Variants in IQCM observed in about 807,000 individuals in gnomAD.
IQCM encodes IQ domain-containing protein M.
IQCM carries 45 observed loss-of-function variants against 57.6 expected under a neutral mutation model. The ratio of observed to expected loss-of-function variants is 0.78; its 90% CI spans 0.62 to 1.00. The LOEUF (loss-of-function observed/expected upper bound fraction) is 1.00, where lower values mean the gene tolerates loss of function less well. IQCM is among the 50% of genes least tolerant of loss of function. The pLI is 0.00. For synonymous variants in IQCM, 148 were observed against 158.9 expected (o/e 0.93, Z 0.51); for missense variants, 468 against 511.6 (o/e 0.91, Z 0.82).
intron 13 of IQCM, chr4:149,430,065 T>A (rs1458223573): frequency 5.9e-6 from 7 of 1,195,968 alleles, no homozygotes; most frequent in Non-Finnish European, 7.3e-6. Flanking sequence ...GGTTCTTAAT[T>A]CATCTTATTA....
intron 12 of IQCM, among the ~76,000 whole-genome samples, chr4:149,488,359 C>A (rs1741744604): frequency 6.6e-6 from 1 of 152,088 alleles, no homozygotes; most frequent in Non-Finnish European, 1.5e-5. Flanking sequence ...AATGAGCCAA[C>A]TATTTCAAAA....
At chr4:149,763,529 C>G (rs1476427833) in intron 2 of IQCM, among the ~76,000 whole-genome samples, 2 of 152,108 alleles carry the variant, frequency 1.3e-5, no homozygotes, top group Non-Finnish European at 2.9e-5. Flanking sequence ...TTAGGATAAA[C>G]TGGTATGTGA....
At chr4:149,595,336 T>C (rs1462327903) in intron 8 of IQCM, among the ~76,000 whole-genome samples, 1 of 151,878 alleles carries the variant, frequency 6.6e-6, no homozygotes, top group Non-Finnish European at 1.5e-5. Context: ...CTTTATTTTT[T>C]AAGTAGGAAG....
chr4:149,505,677 CAT>C (rs1743734516), intron 12 of IQCM, among the ~76,000 whole-genome samples: 6 of 152,142 alleles, frequency 3.9e-5, no homozygotes, highest in Admixed American at 3.9e-4. Flanking sequence ...CACCATCAAA[CAT>C]GTGTATTTAG....
chr4:149,754,373 T>C (rs1464475269), intron 2 of IQCM, among the ~76,000 whole-genome samples: 1 of 152,152 alleles, frequency 6.6e-6, no homozygotes, highest in Non-Finnish European at 1.5e-5. Context: ...CCTCTGACAA[T>C]TCCTGCTTTC....
chr4:149,714,018 T>A (rs1354035888), intron 5 of IQCM, among the ~76,000 whole-genome samples: 1 of 152,170 alleles, frequency 6.6e-6, no homozygotes. Flanking sequence ...TAGTTATCCA[T>A]ATTTATCTAA....
intron 13 of IQCM, among the ~76,000 whole-genome samples, chr4:149,387,826 T>C (rs745544323): frequency 3.3e-5 from 5 of 150,076 alleles, no homozygotes; most frequent in Non-Finnish European, 5.9e-5. Flanking sequence ...AGCCCACCCA[T>C]TAACAGTCAC....
At chr4:149,369,660 TAAG>T (rs150087504) in intron 13 of IQCM, among the ~76,000 whole-genome samples, 2,290 of 152,226 alleles carry the variant, frequency 0.015, 66 homozygotes, top group African/African-American at 0.053. Flanking sequence ...CCAAATCGCC[TAAG>T]AAGAAATAAT....
At chr4:149,531,633 A>G (rs1436979749) in intron 12 of IQCM, among the ~76,000 whole-genome samples, 1 of 152,158 alleles carries the variant, frequency 6.6e-6, no homozygotes, top group Non-Finnish European at 1.5e-5. Flanking sequence ...AGGAAAAAGC[A>G]TAATTTCAAT....
At chr4:149,757,245 G>A (rs574983243) in intron 2 of IQCM, among the ~76,000 whole-genome samples, 6 of 150,874 alleles carry the variant, frequency 4.0e-5, no homozygotes, top group African/African-American at 1.2e-4. Context: ...GCAACAAAGC[G>A]AGACTCGTCT....
intron 2 of IQCM, among the ~76,000 whole-genome samples, chr4:149,797,684 G>C (rs1489227949): frequency 1.3e-5 from 2 of 151,360 alleles, no homozygotes. Context: ...AGCAGCAAGA[G>C]AAAAGAAACA....
intron 12 of IQCM, among the ~76,000 whole-genome samples, chr4:149,475,854 G>A (rs1740127398): frequency 6.6e-6 from 1 of 152,128 alleles, no homozygotes; most frequent in African/African-American, 2.4e-5. Flanking sequence ...GGTTATTGGT[G>A]ACCTTGACAT....
intron 2 of IQCM, chr4:149,780,172 A>C (rs1011575898): frequency 2.6e-5 from 4 of 152,164 alleles, no homozygotes; most frequent in Admixed American, 1.3e-4. Flanking sequence ...CAGTCCCTAC[A>C]AGTGAGGAGT....
At chr4:149,798,762 C>T (rs1242192600) in intron 2 of IQCM, among the ~76,000 whole-genome samples, 1 of 151,844 alleles carries the variant, frequency 6.6e-6, no homozygotes, top group Non-Finnish European at 1.5e-5. Flanking sequence ...CACTATATAA[C>T]GATGAAGGTG....
intron 3 of IQCM, among the ~76,000 whole-genome samples, chr4:149,741,309 T>A (rs569818708): frequency 1.2e-3 from 177 of 152,238 alleles, no homozygotes; most frequent in African/African-American, 4.1e-3. Flanking sequence ...TGCTAATAAG[T>A]TTCATATATA....
intron 8 of IQCM, among the ~76,000 whole-genome samples, chr4:149,592,026 ACACATTGTCTTC>A (rs1375605292): frequency 6.6e-6 from 1 of 152,172 alleles, no homozygotes; most frequent in East Asian, 1.9e-4. Context: ...AGGAATCGCC[ACACATTGTCTTC>A]CACAATGGTT....
chr4:149,598,978 C>T (rs1754023974), intron 8 of IQCM, among the ~76,000 whole-genome samples: 1 of 151,988 alleles, frequency 6.6e-6, no homozygotes, highest in African/African-American at 2.4e-5. Flanking sequence ...ACTGACCTTG[C>T]CCATCTGCCC....
chr4:149,775,837 G>T (rs561103418), intron 2 of IQCM, among the ~76,000 whole-genome samples: 8 of 152,134 alleles, frequency 5.3e-5, no homozygotes, highest in African/African-American at 1.9e-4. Context: ...GATTAAGAGT[G>T]CCCTAAATGA....
intron 13 of IQCM, among the ~76,000 whole-genome samples, chr4:149,385,478 G>A (rs1467431786): frequency 6.6e-6 from 1 of 152,060 alleles, no homozygotes; most frequent in Admixed American, 6.6e-5. Flanking sequence ...AAGGTGATAA[G>A]TAAGTTATGC....
Sources: gnomAD v4.1 joint callset for allele counts (sites outside exome capture counted in the v4.1 genomes callset) on GRCh38, gnomAD v4.1.1 for gene constraint, MANE v1.5 for transcripts, NCBI Gene and HGNC (gene_info 2026-07-23, HGNC 2026-07-21) for gene names.